JAZF1: variants seen among roughly 807,000 people sequenced by gnomAD.
The protein encoded by JAZF1 is JAZF zinc finger 1.
A neutral mutation model predicts 26.4 loss-of-function variants in JAZF1; 8 were observed. That is an observed-to-expected ratio of 0.30 (90% CI 0.18 to 0.55). JAZF1 has a LOEUF of 0.55. Among genes scored for constraint, JAZF1 ranks in the 20% least tolerant of loss-of-function variants. The probability of loss-of-function intolerance (pLI) is 0.94; values close to 1 mark genes in which losing one functional copy is unlikely to be tolerated. For missense variants in JAZF1, 199 were observed against 322.0 expected, an observed-to-expected ratio of 0.62 and a Z score of 2.92; for synonymous variants, 126 against 122.3, an observed-to-expected ratio of 1.03 and a Z score of -0.20.
chr7:27,923,425 C>T (rs1480339339), intron 2 of JAZF1, among the ~76,000 whole-genome samples: 2 of 152,240 alleles, frequency 1.3e-5, no homozygotes, highest in African/African-American at 4.8e-5. Context: ...CGTCTCCACA[C>T]ACTCTATCCC....
chr7:28,167,470 C>G (rs1306344362), intron 1 of JAZF1, among the ~76,000 whole-genome samples: 3 of 152,202 alleles, frequency 2.0e-5, no homozygotes, highest in African/African-American at 7.2e-5. Context: ...AAGCGAGCTC[C>G]AGGAACCTCA....
chr7:28,020,553 G>T (rs766312051), intron 1 of JAZF1: 1 of 471,090 alleles, frequency 2.1e-6, no homozygotes, highest in Non-Finnish European at 4.4e-6. Flanking sequence ...TGACACTTAC[G>T]TTGTCCTACG....
At chr7:28,110,615 A>AAAGG (rs1562591151) in intron 1 of JAZF1, among the ~76,000 whole-genome samples, 3 of 128,446 alleles carry the variant, frequency 2.3e-5, no homozygotes, top group African/African-American at 8.9e-5. Context: ...AAAGGAAAGG[A>AAAGG]AAAGGAAAGG....
At chr7:28,016,562 A>AG (rs1270091929) in intron 1 of JAZF1, among the ~76,000 whole-genome samples, 3 of 152,178 alleles carry the variant, frequency 2.0e-5, no homozygotes, top group African/African-American at 7.2e-5. Flanking sequence ...ACAGGGGCCA[A>AG]GGGGGCATTG....
At chr7:27,997,045 A>C (rs1393949502) in intron 1 of JAZF1, among the ~76,000 whole-genome samples, 3 of 152,214 alleles carry the variant, frequency 2.0e-5, no homozygotes, top group Non-Finnish European at 1.5e-5. Flanking sequence ...TCAGGAAATA[A>C]GTTATTTGAA....
In JAZF1 at chr7:27,899,344, G is replaced by C. The variant is rs1784126516; in HGVS notation, c.189-3928C>G. On this transcript the variant is annotated intron_variant, in intron 2 of 4. Coordinates refer to ENST00000283928, the MANE Select transcript of JAZF1 (RefSeq NM_175061.4). ...ACCGTGTTGCCAAGGCTGAGTTCAG[G>C]TTAAGCAAGTCATGTGACTCAGTGG... Among the ~76,000 whole-genome samples the C allele has an allele frequency of 2.0e-5, 3 of 152,120 alleles. No individual in the cohort carries two copies. The South Asian group carries it at 6.2e-4, about 32-fold the overall frequency.
rs190317169 is a variant in JAZF1 at position 28,061,441 on chromosome 7, A to G, written c.116-69460T>C. Among the ~76,000 whole-genome samples, 116 of 152,380 alleles carry G rather than the reference A, an allele frequency of 7.6e-4. No individual in the cohort carries two copies. The Middle Eastern group carries it at 0.014, about 18-fold the overall frequency. On this transcript the variant is annotated intron_variant, in intron 1 of 4. Coordinates refer to ENST00000283928, the MANE Select transcript of JAZF1 (RefSeq NM_175061.4). ...ATATATGCATAACAATGAATGGCAG[A>G]CACACTCCGCTGAACACTCCTATTT...
chr7:28,097,138 A>T (rs1784399781), intron 1 of JAZF1, among the ~76,000 whole-genome samples: 1 of 151,890 alleles, frequency 6.6e-6, no homozygotes, highest in Non-Finnish European at 1.5e-5. Context: ...TTTCCCACCC[A>T]ACCTCTGCCA....
At chr7:27,875,004 C>T (rs866100308) in intron 3 of JAZF1, among the ~76,000 whole-genome samples, 79 of 152,272 alleles carry the variant, frequency 5.2e-4, no homozygotes, top group African/African-American at 1.8e-3. Context: ...CCCAGAGAGC[C>T]GTATTTTGAA....
chr7:28,032,156 T>C (rs1418707111), intron 1 of JAZF1, among the ~76,000 whole-genome samples: 2 of 152,206 alleles, frequency 1.3e-5, no homozygotes, highest in African/African-American at 2.4e-5. Context: ...ATCTTGTATA[T>C]GTACAAATCA....
rs1300131072 is a variant in JAZF1 at position 28,153,651 on chromosome 7, T to C, written c.115+26812A>G. ...TGACAGCCCTCCTCATATCTGGAACTATGTTCTCTTCACCAAGCTAAGCAT... is the reference window on the plus strand; with the variant it reads ...TGACAGCCCTCCTCATATCTGGAACCATGTTCTCTTCACCAAGCTAAGCAT... On this transcript the variant is annotated intron_variant, in intron 1 of 4. Coordinates refer to ENST00000283928, the MANE Select transcript of JAZF1 (RefSeq NM_175061.4). Among the ~76,000 whole-genome samples, 5 of 152,336 alleles carry C rather than the reference T, an allele frequency of 3.3e-5. No individual in the cohort carries two copies. In the South Asian group the frequency reaches 8.3e-4, roughly 25 times the overall value.
chr7:27,880,436 C>T (rs1049202674), intron 3 of JAZF1, among the ~76,000 whole-genome samples: 1 of 152,088 alleles, frequency 6.6e-6, no homozygotes, highest in African/African-American at 2.4e-5. Context: ...AGTTTGAGAC[C>T]AGTCTGGCCA....
chr7:28,083,768 A>G (rs1288917507), intron 1 of JAZF1, among the ~76,000 whole-genome samples: 1 of 151,936 alleles, frequency 6.6e-6, no homozygotes, highest in Non-Finnish European at 1.5e-5. Flanking sequence ...CCGCTGACCC[A>G]GCCAGTAAAA....
rs1478890354 is a variant in JAZF1, at chr7:27,840,072, C to G, written c.555+626G>C. ...TCCTTATTAGAAAAGTTAGCACCCC[C>G]AGCTGCCCATGACACCCAGGCCCTC... On this transcript the variant is annotated intron_variant, in intron 4 of 4. Transcript: ENST00000283928. This position sits in a 1 kb window ranked among gnomAD's most constrained non-coding sequence, Gnocchi z 5.1. Among the ~76,000 whole-genome samples, 1 of 152,170 alleles carries G rather than the reference C, an allele frequency of 6.6e-6. No individual in the cohort carries two copies. The highest frequency in any genetic ancestry group is 1.5e-5 in the Non-Finnish European group (1 of 68,012).
chr7:27,839,322 C>T (rs1048503972), intron 4 of JAZF1, among the ~76,000 whole-genome samples: 3 of 152,166 alleles, frequency 2.0e-5, no homozygotes, highest in African/African-American at 7.2e-5. Flanking sequence ...CTGGGGGAGA[C>T]GCGGTGGGAA....
intron 1 of JAZF1, among the ~76,000 whole-genome samples, chr7:28,162,928 T>C (rs1783314918): frequency 6.6e-6 from 1 of 152,252 alleles, no homozygotes; most frequent in African/African-American, 2.4e-5. Flanking sequence ...AACATCTGAA[T>C]ACGATTCAGT....
intron 1 of JAZF1, among the ~76,000 whole-genome samples, chr7:28,144,224 A>G (rs927666870): frequency 6.6e-6 from 1 of 152,228 alleles, no homozygotes; most frequent in Non-Finnish European, 1.5e-5. Flanking sequence ...TTCAAGTTCA[A>G]TGCTTAGCCC....
intron 1 of JAZF1, among the ~76,000 whole-genome samples, chr7:28,015,321 G>GA (rs1782872812): frequency 6.6e-6 from 1 of 152,104 alleles, no homozygotes; most frequent in South Asian, 2.1e-4. Context: ...TCCTGGAACA[G>GA]AAAAATGACA....
chr7:27,977,766 G>A (rs1272518216), intron 2 of JAZF1, among the ~76,000 whole-genome samples: 2 of 152,228 alleles, frequency 1.3e-5, no homozygotes, highest in South Asian at 2.1e-4. Context: ...TAGTTGTGCC[G>A]ATTCTGACCT....
Sources: allele counts gnomAD v4.1 joint callset (sites outside exome capture counted in the v4.1 genomes callset), GRCh38; gene constraint gnomAD v4.1.1; non-coding constraint Gnocchi (gnomAD v3.1); transcripts MANE v1.5; gene names NCBI Gene and HGNC (gene_info 2026-07-23, HGNC 2026-07-21).